PHF3: variants seen among roughly 807,000 people sequenced by gnomAD.
PHF3 encodes PHD finger protein 3.
Under a neutral mutation model 178.4 loss-of-function variants are expected in PHF3, and 41 were observed. That is an observed-to-expected ratio of 0.23 (90% CI 0.18 to 0.30). The LOEUF is 0.30. Ranked by LOEUF, PHF3 falls within the 10% of genes least tolerant of loss-of-function variation. PHF3 has a pLI of 1.00. For synonymous variants in PHF3, 842 were observed against 800.5 expected (o/e 1.05, Z -0.88); for missense variants, 2,346 against 2,398.1 (o/e 0.98, Z 0.45).
At chr6:63,648,087 T>G (rs1472642327) in intron 2 of PHF3, among the ~76,000 whole-genome samples, 1 of 152,238 alleles carries the variant, frequency 6.6e-6, no homozygotes, top group Non-Finnish European at 1.5e-5. Context: ...CACTGGCTAC[T>G]AGGAAGCTTC....
intron 4 of PHF3, among the ~76,000 whole-genome samples, chr6:63,686,749 CATT>C (rs765614916): frequency 3.3e-5 from 5 of 152,274 alleles, no homozygotes; most frequent in Non-Finnish European, 5.9e-5. Flanking sequence ...GATAAAAGAA[CATT>C]ATAATTTGTA....
chr6:63,651,058 A>G (rs1229735315), intron 2 of PHF3, among the ~76,000 whole-genome samples: 1 of 152,168 alleles, frequency 6.6e-6, no homozygotes, highest in Non-Finnish European at 1.5e-5. Flanking sequence ...CTGTGCTTCA[A>G]TGAACCTTTT....
chr6:63,701,136 A>G (rs1439392586), intron 9 of PHF3, among the ~76,000 whole-genome samples: 1 of 152,208 alleles, frequency 6.6e-6, no homozygotes, highest in African/African-American at 2.4e-5. Flanking sequence ...TCAGAATAAA[A>G]ATGTGTACAG....
chr6:63,709,661 G>C (rs958264900), intron 14 of PHF3, among the ~76,000 whole-genome samples: 1 of 152,172 alleles, frequency 6.6e-6, no homozygotes, highest in Non-Finnish European at 1.5e-5. Context: ...ATACCAAATA[G>C]GAGTAAATGA....
chr6:63,648,147 ATC>A (rs1764869011), intron 2 of PHF3, among the ~76,000 whole-genome samples: 1 of 152,122 alleles, frequency 6.6e-6, no homozygotes, highest in Admixed American at 6.5e-5. Flanking sequence ...CTAATAGTGT[ATC>A]TCTGAATTAT....
chr6:63,685,599 A>G lies in PHF3; in HGVS notation c.1877A>G (p.Gln626Arg). The G allele has an allele frequency of 1.2e-6, 2 of 1,614,118 alleles. No homozygotes were observed. Among genetic ancestry groups the G allele is most frequent in the East Asian group, 4.5e-5 (2 of 44,884 alleles). Residue 626 changes from glutamine to arginine, a missense_variant, in exon 4 of 16, where the codon CAG (glutamine) becomes CGG (arginine). This residue lies in a region of PHF3 where 843 missense variants were observed against 795.2 expected (regional missense o/e 1.06). Transcript: ENST00000262043. ...CATGTATCACATTCTAGCCAGAAAC[A>G]GTGTCATAAGCCTCAGCAACAGGCC... ...TGHVSHSSQK[Q>R]CHKPQQQAPA...
rs1238087475 is a variant in PHF3 at position 63,703,783 on chromosome 6, GCACT to G, written c.3367+120_3367+123del. On this transcript the variant is annotated intron_variant, in intron 11 of 15. Coordinates refer to ENST00000262043, the MANE Select transcript of PHF3 (RefSeq NM_001370348.2). ...TTGTTTTCCCAATATTGGTGGTGAG[GCACT>G]CACTCACAGTCTTTAAGCTTTCGTG... The G allele has an allele frequency of 1.5e-5, 15 of 984,842 alleles. No homozygotes were observed. In the Admixed American group the frequency reaches 2.5e-4, roughly 16 times the overall value. The allele number at this position is 984,842 out of a possible 1,614,324, so 61.0% of individuals were successfully genotyped here.
At chr6:63,676,459 A>G (rs529670611) in intron 2 of PHF3, among the ~76,000 whole-genome samples, 1 of 152,254 alleles carries the variant, frequency 6.6e-6, no homozygotes, top group Non-Finnish European at 1.5e-5. Flanking sequence ...ACATGTAAGT[A>G]AAACCTGAAG....
chr6:63,676,196 T>G (rs1194247781), intron 2 of PHF3, among the ~76,000 whole-genome samples: 1 of 152,252 alleles, frequency 6.6e-6, no homozygotes, highest in East Asian at 1.9e-4. Context: ...CATAATTCTT[T>G]TATTCAGCAA....
At chr6:63,662,028 C>T (rs1765489805) in intron 2 of PHF3, among the ~76,000 whole-genome samples, 2 of 152,080 alleles carry the variant, frequency 1.3e-5, no homozygotes, top group South Asian at 2.1e-4. Flanking sequence ...GTCAGATCAG[C>T]GGTGGCATTA....
At chr6:63,657,738 C>T (rs569389145) in intron 2 of PHF3, among the ~76,000 whole-genome samples, 1 of 152,292 alleles carries the variant, frequency 6.6e-6, no homozygotes, top group African/African-American at 2.4e-5. Context: ...CAAGGGTCAA[C>T]TGAATAAATC....
Position 63,717,612 on chromosome 6 carries a change from G to A in PHF3, c.*3904G>A, listed in dbSNP as rs2149619996. Among the ~76,000 whole-genome samples, 1 of 152,130 alleles carries A rather than the reference G, an allele frequency of 6.6e-6. No individual in the cohort carries two copies. Among genetic ancestry groups the A allele is most frequent in the East Asian group, 1.9e-4 (1 of 5,174 alleles). The stretch of plus-strand genomic sequence containing the variant: ...TGAAAACTTGAGTTCACCATGTCAA[G>A]TTTCATCTTATAGATAGATGCAGAG... On this transcript the variant is annotated 3_prime_UTR_variant, in exon 16 of 16. Transcript: ENST00000262043.
At chr6:63,697,223 TA>T (rs750362247) in intron 6 of PHF3, among the ~76,000 whole-genome samples, 8 of 152,042 alleles carry the variant, frequency 5.3e-5, no homozygotes, top group Non-Finnish European at 8.8e-5. Context: ...TTGTATGTGG[TA>T]GGGGGAAGAA....
At position 63,684,510 on chromosome 6, in the gene PHF3, T is replaced by C. The variant is rs1379300303; in HGVS notation, c.788T>C (p.Val263Ala). The change falls in exon 4 of 16, where the codon GTT becomes GCT. Residue 263 changes from valine (V) to alanine (A), a missense_variant. Coordinates refer to ENST00000262043, the MANE Select transcript of PHF3 (RefSeq NM_001370348.2). ...LNCSLLSETC[V>A]TIGEKKNEAL... ...TGTTCACTTCTTTCAGAGACTTGTG[T>C]TACTATTGGAGAAAAGAAAAATGAA... 1.9e-6 allele frequency: 3 copies of C among 1,613,618 alleles called. No homozygotes were observed. Among genetic ancestry groups the C allele is most frequent in the Non-Finnish European group, 8.5e-7 (1 of 1,179,812 alleles).
Position 63,684,920 on chromosome 6 carries a change from G to C in PHF3, c.1198G>C (p.Gly400Arg). 6.2e-7 allele frequency: 1 copy of C among 1,614,036 alleles called. No homozygotes were observed. The highest frequency in any genetic ancestry group is 8.5e-7 in the Non-Finnish European group (1 of 1,179,962). The change falls in exon 4 of 16, where the codon GGT becomes CGT. Residue 400 changes from glycine to arginine, a missense_variant. Gly to Arg is a moderately radical substitution (Grantham distance 125, BLOSUM62 -2). This residue lies in a region of PHF3 where 843 missense variants were observed against 795.2 expected (regional missense o/e 1.06). Transcript: ENST00000262043. ...TLERNKIEPLGYCEDAESNRQ... is the reference protein window; with the variant it reads ...TLERNKIEPLRYCEDAESNRQ... The stretch of plus-strand genomic sequence containing the variant: ...TGAAAGAAATAAAATTGAACCGTTG[G>C]GTTATTGTGAAGATGCGGAGTCTAA...
At chr6:63,666,755 CTT>C (rs1050386767) in intron 2 of PHF3, among the ~76,000 whole-genome samples, 14 of 142,680 alleles carry the variant, frequency 9.8e-5, no homozygotes, top group Non-Finnish European at 1.4e-4. Context: ...TGTCCCCCTC[CTT>C]TTTTTTTTTT....
chr6:63,671,076 T>C (rs1388860266), intron 2 of PHF3, among the ~76,000 whole-genome samples: 3 of 152,086 alleles, frequency 2.0e-5, no homozygotes, highest in Admixed American at 2.0e-4. Flanking sequence ...TGAATAATAA[T>C]GAGATCCATA....
intron 9 of PHF3, among the ~76,000 whole-genome samples, chr6:63,701,342 T>G (rs1273249444): frequency 6.6e-6 from 1 of 152,144 alleles, no homozygotes; most frequent in Non-Finnish European, 1.5e-5. Context: ...GCACCATATT[T>G]CATGTTTAAA....
rs1031638981 is a variant in PHF3 at position 63,670,368 on chromosome 6, A to T, written c.245-9632A>T. On this transcript the variant is annotated intron_variant, in intron 2 of 15. Transcript: ENST00000262043. ...ACTGAAAGCTCTGCCTCCTGGGTTC[A>T]CGCCATTGTCCTGCCTCAACCTCCC... Among the ~76,000 whole-genome samples, 6 of 152,124 alleles carry T rather than the reference A, an allele frequency of 3.9e-5. No individual in the cohort carries two copies. The South Asian group carries it at 1.2e-3, about 31-fold the overall frequency.
Sources: gnomAD v4.1 joint callset for allele counts (sites outside exome capture counted in the v4.1 genomes callset) on GRCh38, gnomAD v4.1.1 for gene constraint, gnomAD v4.1.1 regional missense constraint, MANE v1.5 for transcripts, NCBI Gene and HGNC (gene_info 2026-07-23, HGNC 2026-07-21) for gene names.